The following YTHDC2 variants were observed in gnomAD, a reference collection of about 807,000 sequenced individuals.
YTHDC2 encodes YTH N6-methyladenosine RNA binding protein C2.
YTHDC2 carries 45 observed loss-of-function variants against 174.9 expected under a neutral mutation model. The ratio of observed to expected loss-of-function variants is 0.26; its 90% CI spans 0.20 to 0.33. The LOEUF (loss-of-function observed/expected upper bound fraction) is 0.33. Ranked by LOEUF, YTHDC2 falls within the 10% of genes least tolerant of loss-of-function variation. The probability of loss-of-function intolerance (pLI) is 1.00; values close to 1 mark genes in which losing one functional copy is unlikely to be tolerated. For missense variants in YTHDC2, 1,650 were observed against 1,723.7 expected, an observed-to-expected ratio of 0.96 and a Z score of 0.76; for synonymous variants, 657 against 574.5, an observed-to-expected ratio of 1.14 and a Z score of -2.05.
intron 2 of YTHDC2, among the ~76,000 whole-genome samples, chr5:113,516,002 GCTT>G (rs1295818845): frequency 6.6e-6 from 1 of 152,092 alleles, no homozygotes; most frequent in African/African-American, 2.4e-5. Flanking sequence ...TCTTATGTCT[GCTT>G]CTTCTCGATT....
chr5:113,554,160 T>C, intron 16 of YTHDC2, 138 bp downstream of exon 16: 1 of 705,846 alleles, frequency 1.4e-6, no homozygotes, highest in Non-Finnish European at 2.0e-6. Flanking sequence ...CGCATGCTTT[T>C]ATAAGCAGAA....
intron 4 of YTHDC2, among the ~76,000 whole-genome samples, chr5:113,528,549 G>A (rs564079713): frequency 1.3e-5 from 2 of 151,462 alleles, no homozygotes; most frequent in African/African-American, 2.4e-5. Flanking sequence ...TTGCGACAGC[G>A]CTTCACTCTG....
Position 113,593,659 on chromosome 5 carries a change from T to C in YTHDC2, c.*185T>C, listed in dbSNP as rs1179429332. 1 of 239,904 alleles carries C rather than the reference T, an allele frequency of 4.2e-6. No homozygotes were observed. The highest frequency in any genetic ancestry group is 2.2e-5 in the African/African-American group (1 of 44,734). The allele number at this position is 239,904 out of a possible 1,614,324, so 14.9% of individuals were successfully genotyped here. On this transcript the variant is annotated 3_prime_UTR_variant, in exon 30 of 30. Coordinates refer to ENST00000161863, the MANE Select transcript of YTHDC2 (RefSeq NM_022828.5). ...AGCATTTAAATTTTTATAGTGATTA[T>C]AGAGAATGATTATATGATGTTTGTA...
chr5:113,528,379 T>C (rs1397273610), intron 4 of YTHDC2, among the ~76,000 whole-genome samples: 3 of 152,236 alleles, frequency 2.0e-5, no homozygotes, highest in East Asian at 1.9e-4. Context: ...TTTTATTCTT[T>C]GAAATATAAA....
intron 5 of YTHDC2, among the ~76,000 whole-genome samples, chr5:113,533,572 C>G (rs1477415902): frequency 6.6e-6 from 1 of 151,776 alleles, no homozygotes; most frequent in East Asian, 1.9e-4. Context: ...ATTCCGTTTC[C>G]TAGTTTCATG....
At chr5:113,567,953 A>G in intron 23 of YTHDC2, 104 bp downstream of exon 23, 1 of 887,734 alleles carries the variant, frequency 1.1e-6, no homozygotes, top group Non-Finnish European at 1.6e-6. Context: ...ATAAAGATTT[A>G]TATAGTAGCA....
chr5:113,514,091 C>T lies in YTHDC2; in HGVS notation c.187+9C>T. On this transcript the variant is annotated intron_variant, in intron 1 of 29. Transcript: ENST00000161863. Reference sequence around the variant, plus strand: ...ATACGGGGACCAGAGAGGTGAGGTTCCGGACAGGGACCATGCTGGCAGTCA... The same window carrying T: ...ATACGGGGACCAGAGAGGTGAGGTTTCGGACAGGGACCATGCTGGCAGTCA... 1 of 1,609,802 alleles carries T rather than the reference C, an allele frequency of 6.2e-7. No individual in the cohort carries two copies.
At chr5:113,539,683 A>T (rs1775314803) in intron 8 of YTHDC2, among the ~76,000 whole-genome samples, 1 of 152,112 alleles carries the variant, frequency 6.6e-6, no homozygotes, top group Admixed American at 6.5e-5. Flanking sequence ...TAGGGTTCAG[A>T]TTTCTTTTTC....
rs545650346 is a variant in YTHDC2, at chr5:113,518,148, A to G, written c.278+2786A>G. ...CGTGATCTGCCCGCCTTGGCCTCCCAAAGTGCTGGGATTACAGGCGTGAGC... is the reference window on the plus strand; with the variant it reads ...CGTGATCTGCCCGCCTTGGCCTCCCGAAGTGCTGGGATTACAGGCGTGAGC... On this transcript the variant is annotated intron_variant, in intron 2 of 29. Transcript: ENST00000161863. 6.2e-4 allele frequency among the ~76,000 whole-genome samples: 93 copies of G among 150,520 alleles called. 1 individual carries two copies. In the Middle Eastern group the frequency reaches 0.014, roughly 23 times the overall value.
At chr5:113,551,306 C>T (rs1165794146) in intron 12 of YTHDC2, among the ~76,000 whole-genome samples, 3 of 151,694 alleles carry the variant, frequency 2.0e-5, no homozygotes, top group Non-Finnish European at 4.4e-5. Context: ...CCAGGTAAAG[C>T]GTTTATCTGG....
rs1277289530 is a variant in YTHDC2, at chr5:113,539,085, C to T, written c.1114C>T (p.Pro372Ser). 7.1e-7 allele frequency: 1 copy of T among 1,404,644 alleles called. No homozygotes were observed. 87.0% of individuals were successfully genotyped at this position (1,404,644 alleles called of 1,614,324 possible). The stretch of plus-strand genomic sequence containing the variant: ...TTTTTATTATTTAGTACAGGGAAGA[C>T]CATTTGAAGTAAAAGAAATGTTTCT... ...SCPVIYIQGRPFEVKEMFLED... is the reference protein window; with the variant it reads ...SCPVIYIQGRSFEVKEMFLED... The change falls in exon 8 of 30, where the codon CCA (proline) becomes TCA (serine). Residue 372 changes from proline (P) to serine (S), a missense_variant. Transcript: ENST00000161863.
In YTHDC2 at chr5:113,556,194, G is replaced by A. The variant is rs1776595681; in HGVS notation, c.2216+60G>A. 9 of 848,078 alleles carry A rather than the reference G, an allele frequency of 1.1e-5. No homozygotes were observed. The Admixed American group carries it at 1.5e-4, about 14-fold the overall frequency. The allele number at this position is 848,078 out of a possible 1,614,324, so 52.5% of individuals were successfully genotyped here. ...CTGTAAAATGGAAACGTTTTTATAT[G>A]CATTACACATTTATCATATATTCCA... On this transcript the variant is annotated intron_variant, in intron 17 of 29. Transcript: ENST00000161863.
intron 6 of YTHDC2, among the ~76,000 whole-genome samples, chr5:113,534,796 TA>T (rs1266093436): frequency 3.3e-5 from 5 of 152,146 alleles, no homozygotes; most frequent in Non-Finnish European, 7.4e-5. Flanking sequence ...TTCCCAATGA[TA>T]GGGGTATACT....
intron 23 of YTHDC2, among the ~76,000 whole-genome samples, chr5:113,568,089 AT>A (rs1777467221): frequency 6.6e-6 from 1 of 152,054 alleles, no homozygotes; most frequent in Non-Finnish European, 1.5e-5. Flanking sequence ...TTGGGAAGAA[AT>A]TTTTCTTTTC....
chr5:113,537,375 T>G (rs1343885681), intron 7 of YTHDC2, among the ~76,000 whole-genome samples: 1 of 151,414 alleles, frequency 6.6e-6, no homozygotes, highest in South Asian at 2.1e-4. Flanking sequence ...TTTTTTTTTT[T>G]TTTTGTGAAA....
intron 2 of YTHDC2, among the ~76,000 whole-genome samples, chr5:113,515,918 T>A (rs926137313): frequency 4.6e-5 from 7 of 152,214 alleles, no homozygotes; most frequent in African/African-American, 1.7e-4. Flanking sequence ...CTGTCTCTAT[T>A]AAGAGTCTAG....
intron 17 of YTHDC2, among the ~76,000 whole-genome samples, chr5:113,559,132 T>C (rs951574142): frequency 6.9e-6 from 1 of 145,576 alleles, no homozygotes; most frequent in African/African-American, 2.7e-5. Context: ...TAGGCAAATA[T>C]AGAAATCTCT....
intron 17 of YTHDC2, among the ~76,000 whole-genome samples, chr5:113,560,117 T>C (rs1322795716): frequency 6.6e-6 from 1 of 152,218 alleles, no homozygotes; most frequent in Non-Finnish European, 1.5e-5. Context: ...AGGGCAATTT[T>C]ATGAAAGTTT....
chr5:113,581,307 A>G, intron 24 of YTHDC2, 110 bp from the exon 25 acceptor site: 1 of 994,920 alleles, frequency 1.0e-6, no homozygotes, highest in Non-Finnish European at 1.4e-6. Flanking sequence ...ATTATATGAA[A>G]TGTGAAATAA....
Sources: gnomAD v4.1 joint callset for allele counts (sites outside exome capture counted in the v4.1 genomes callset) on GRCh38, gnomAD v4.1.1 for gene constraint, MANE v1.5 for transcripts, NCBI Gene and HGNC (gene_info 2026-07-23, HGNC 2026-07-21) for gene names.